CEP295: variants seen among roughly 807,000 people sequenced by gnomAD.
CEP295 encodes centrosomal protein of 295 kDa.
Under a neutral mutation model 291.6 loss-of-function variants are expected in CEP295, and 190 were observed. The observed-to-expected ratio is 0.65, with a 90% CI of 0.58 to 0.73. CEP295 has a LOEUF of 0.73. CEP295 is among the 30% of genes least tolerant of loss of function. The pLI is 0.00. For missense variants in CEP295, 2,863 were observed against 2,949.4 expected, an observed-to-expected ratio of 0.97 and a Z score of 0.68; for synonymous variants, 993 against 1,038.8, an observed-to-expected ratio of 0.96 and a Z score of 0.85.
intron 18 of CEP295, among the ~76,000 whole-genome samples, chr11:93,720,265 G>A (rs1384574282): frequency 1.3e-5 from 2 of 151,782 alleles, no homozygotes; most frequent in African/African-American, 4.8e-5. Context: ...CTGAGGTCAC[G>A]AGTTCGAGAC....
At position 93,698,255 on chromosome 11, in the gene CEP295, TCTG is replaced by T; in HGVS notation, c.3346_3348del (p.Ala1116del). 1 of 1,551,838 alleles carries T rather than the reference TCTG, an allele frequency of 6.4e-7. No homozygotes were observed. Among genetic ancestry groups the T allele is most frequent in the Non-Finnish European group, 8.7e-7 (1 of 1,146,992 alleles). Reference sequence around the variant, plus strand: ...TCAGCATTCAGTTGCTTCACAAGCTTCTGCTAAAGCTGAGCCTAGGAGAATTCA... The same window carrying T: ...TCAGCATTCAGTTGCTTCACAAGCTTCTAAAGCTGAGCCTAGGAGAATTCA... On this transcript the variant is annotated inframe_deletion, in exon 15 of 30. Transcript: ENST00000325212.
In CEP295 at chr11:93,699,238, G is replaced by A; in HGVS notation, c.4326G>A (p.Leu1442=). The change falls in exon 15 of 30, where the codon CTG becomes CTA. Residue 1442 remains leucine, a synonymous_variant. Transcript: ENST00000325212. ...AGATACCAACATTGCCTGATGGGCTGTTGGGTTTATCACATCTTGTTTTAC... is the reference window on the plus strand; with the variant it reads ...AGATACCAACATTGCCTGATGGGCTATTGGGTTTATCACATCTTGTTTTAC... ...HSEIPTLPDG[L]LGLSHLVLPQ... 6.4e-7 allele frequency: 1 copy of A among 1,551,850 alleles called. No individual in the cohort carries two copies. The highest frequency in any genetic ancestry group is 8.7e-7 in the Non-Finnish European group (1 of 1,147,000).
chr11:93,728,937 C>A, intron 25 of CEP295, 116 bp downstream of exon 25: 1 of 783,986 alleles, frequency 1.3e-6, no homozygotes, highest in Non-Finnish European at 1.9e-6. Context: ...TTTAACTAAG[C>A]CGACACCCCC....
chr11:93,714,531 G>C (rs1348939989), intron 18 of CEP295, among the ~76,000 whole-genome samples: 1 of 152,232 alleles, frequency 6.6e-6, no homozygotes, highest in African/African-American at 2.4e-5. Context: ...TTACAGGCGT[G>C]AGCCACCATG....
chr11:93,679,266 C>T, intron 6 of CEP295, 146 bp from the exon 7 acceptor site: 1 of 677,886 alleles, frequency 1.5e-6, no homozygotes, highest in Non-Finnish European at 2.4e-6. Context: ...TAGGTACATG[C>T]CGTTGATAAT....
At chr11:93,728,958 A>C (rs1157438201) in intron 25 of CEP295, 137 bp downstream of exon 25, 9 of 697,286 alleles carry the variant, frequency 1.3e-5, no homozygotes, top group Non-Finnish European at 1.8e-5. Flanking sequence ...ACCAGCTCTC[A>C]ATTTGTCTTA....
At chr11:93,673,126 G>T (rs1950528595) in intron 5 of CEP295, among the ~76,000 whole-genome samples, 1 of 152,108 alleles carries the variant, frequency 6.6e-6, no homozygotes, top group Non-Finnish European at 1.5e-5. Context: ...TTTTTGTTTT[G>T]TGACTTCAGT....
intron 12 of CEP295, among the ~76,000 whole-genome samples, chr11:93,693,548 G>T (rs1951697114): frequency 6.6e-6 from 1 of 152,116 alleles, no homozygotes; most frequent in Non-Finnish European, 1.5e-5. Context: ...CTGAGGTCAG[G>T]AGTTTGAGAC....
At chr11:93,671,656 G>T (rs2134828975) in intron 5 of CEP295, among the ~76,000 whole-genome samples, 1 of 152,266 alleles carries the variant, frequency 6.6e-6, no homozygotes, top group East Asian at 1.9e-4. Context: ...AGGTGTTTGG[G>T]ATAAGGCAGT....
intron 12 of CEP295, among the ~76,000 whole-genome samples, chr11:93,693,733 G>A (rs536158845): frequency 6.6e-5 from 10 of 151,922 alleles, no homozygotes; most frequent in Non-Finnish European, 1.5e-4. Flanking sequence ...TCGCCTGGGC[G>A]ACAAGAGCGA....
chr11:93,720,357 C>T (rs895086832), intron 18 of CEP295, among the ~76,000 whole-genome samples: 1 of 151,628 alleles, frequency 6.6e-6, no homozygotes, highest in Non-Finnish European at 1.5e-5. Flanking sequence ...CCTGTAATCC[C>T]AGCTACTCAG....
chr11:93,680,040 G>A (rs1189835932), intron 7 of CEP295, among the ~76,000 whole-genome samples: 2 of 152,180 alleles, frequency 1.3e-5, no homozygotes, highest in Non-Finnish European at 2.9e-5. Context: ...ACTCTGGGAG[G>A]CCAAGGCGAG....
At chr11:93,686,682 A>G (rs76220267) in intron 9 of CEP295, among the ~76,000 whole-genome samples, 1,720 of 152,300 alleles carry the variant, frequency 0.011, 36 homozygotes, top group African/African-American at 0.038. Flanking sequence ...AGGCAAAACT[A>G]ATCTGTGATC....
intron 9 of CEP295, among the ~76,000 whole-genome samples, chr11:93,684,561 C>T (rs1178027295): frequency 1.1e-4 from 16 of 152,176 alleles, no homozygotes; most frequent in Admixed American, 9.8e-4. Context: ...GCCCCTGTCC[C>T]ATCCCGTGGA....
rs140653131 is a variant in CEP295, at chr11:93,699,574, G to A, written c.4662G>A (p.Gln1554=). 1 of 1,551,882 alleles carries A rather than the reference G, an allele frequency of 6.4e-7. No individual in the cohort carries two copies. The highest frequency in any genetic ancestry group is 8.7e-7 in the Non-Finnish European group (1 of 1,147,096). ...TTTGCTCCTCTTCATTTGTATCCCA[G>A]GTGCCTGTTGCTGACTCTGAAAGAA... ...EQVCSSSFVS[Q]VPVADSERTQ... is the part of the protein sequence containing the mutation. Residue 1554 remains glutamine, a synonymous_variant, in exon 15 of 30, where the codon CAG becomes CAA. Transcript: ENST00000325212.
intron 9 of CEP295, among the ~76,000 whole-genome samples, chr11:93,687,363 T>G (rs1951295049): frequency 6.6e-6 from 1 of 152,210 alleles, no homozygotes. Flanking sequence ...ATAAACATCT[T>G]CCTGATAAGT....
chr11:93,685,258 C>T (rs191116769), intron 9 of CEP295, among the ~76,000 whole-genome samples: 7 of 152,330 alleles, frequency 4.6e-5, no homozygotes, highest in African/African-American at 7.2e-5. Flanking sequence ...GCTTTCTTAT[C>T]GTCTTCACCC....
chr11:93,671,365 G>C (rs1950439840), intron 5 of CEP295, among the ~76,000 whole-genome samples: 1 of 151,854 alleles, frequency 6.6e-6, no homozygotes, highest in Non-Finnish European at 1.5e-5. Context: ...GTCAATTATA[G>C]TCATTCTTTT....
rs1194864469 is a variant in CEP295 at position 93,724,356 on chromosome 11, A to C, written c.6299A>C (p.Asp2100Ala). The C allele has an allele frequency of 7.1e-6, 11 of 1,550,198 alleles. No individual in the cohort carries two copies. In the East Asian group the frequency reaches 2.7e-4, roughly 38 times the overall value. Residue 2100 changes from aspartate (D) to alanine (A), a missense_variant, in exon 22 of 30, where the codon GAC (aspartate) becomes GCC (alanine). By Grantham distance (126) the Asp-to-Ala change is moderately radical. Around this residue, in one of 3 missense-constraint regions of CEP295, gnomAD observed 2,295 missense variants for 2,335.7 expected, o/e 0.98. Coordinates refer to ENST00000325212, the MANE Select transcript of CEP295 (RefSeq NM_033395.2). ...TCATCATCCTCTGGGATTTCTCCAGACAACAGAGACTTTTACCAGGTATAT... is the reference window on the plus strand; with the variant it reads ...TCATCATCCTCTGGGATTTCTCCAGCCAACAGAGACTTTTACCAGGTATAT... ...LSSSSSGISP[D>A]NRDFYQRSDS...
Sources: gnomAD v4.1 joint callset for allele counts (sites outside exome capture counted in the v4.1 genomes callset) on GRCh38, gnomAD v4.1.1 for gene constraint, gnomAD v4.1.1 regional missense constraint, MANE v1.5 for transcripts, NCBI Gene and HGNC (gene_info 2026-07-23, HGNC 2026-07-21) for gene names.